DNAJB14: variants seen among roughly 807,000 people sequenced by gnomAD.
The protein encoded by DNAJB14 is dnaJ homolog subfamily B member 14.
Under a neutral mutation model 48.4 loss-of-function variants are expected in DNAJB14, and 22 were observed. That is an observed-to-expected ratio of 0.45 (90% CI 0.32 to 0.65). The LOEUF is 0.65. Among genes scored for constraint, DNAJB14 ranks in the 30% least tolerant of loss-of-function variants. The pLI is 0.03. For missense variants in DNAJB14, 319 were observed against 458.8 expected, an observed-to-expected ratio of 0.70 and a Z score of 2.78; for synonymous variants, 142 against 158.7, an observed-to-expected ratio of 0.89 and a Z score of 0.79.
At position 99,901,559 on chromosome 4, in the gene DNAJB14, G is replaced by A. The variant is rs150387444; in HGVS notation, c.1016-407C>T. 5.3e-5 allele frequency among the ~76,000 whole-genome samples: 8 copies of A among 151,920 alleles called. No homozygotes were observed. The East Asian group carries it at 1.4e-3, about 26-fold the overall frequency. ...GATTTCAGATTATCCCAAGACTTAA[G>A]TATTTAATAAAAAATTTAAAATCTT... On this transcript the variant is annotated intron_variant, in intron 7 of 7. Coordinates refer to ENST00000442697, the MANE Select transcript of DNAJB14 (RefSeq NM_001031723.4).
chr4:99,918,701 C>G lies in DNAJB14; in HGVS notation c.451+4339G>C, dbSNP rs72915012. Among the ~76,000 whole-genome samples the G allele has an allele frequency of 5.9e-5, 9 of 152,244 alleles. No homozygotes were observed. In the South Asian group the frequency reaches 1.9e-3, roughly 32 times the overall value. ...TATGGGAACATCAGGCCTCCACTTA[C>G]GTCTCCCTGGCTAGGAGGAGAAGAG... On this transcript the variant is annotated intron_variant, in intron 3 of 7. Transcript: ENST00000442697.
intron 1 of DNAJB14, among the ~76,000 whole-genome samples, chr4:99,943,857 C>CA (rs902277217): frequency 1.7e-4 from 26 of 151,798 alleles, no homozygotes; most frequent in Middle Eastern, 6.8e-3. Flanking sequence ...AGCAAAAGCA[C>CA]AAAAAAACAA....
chr4:99,936,644 A>G (rs1161210621), intron 1 of DNAJB14, among the ~76,000 whole-genome samples: 1 of 152,234 alleles, frequency 6.6e-6, no homozygotes, highest in Admixed American at 6.5e-5. Flanking sequence ...AGGGCAGAGA[A>G]AGTAAAATGT....
At chr4:99,945,756 A>G (rs1727045069) in intron 1 of DNAJB14, among the ~76,000 whole-genome samples, 1 of 152,218 alleles carries the variant, frequency 6.6e-6, no homozygotes, top group South Asian at 2.1e-4. Flanking sequence ...ATCGAGTAGG[A>G]AAATAAATAA....
At chr4:99,910,213 A>C (rs757129338) in intron 3 of DNAJB14, 4 of 152,078 alleles carry the variant, frequency 2.6e-5, no homozygotes, top group Non-Finnish European at 5.9e-5. Context: ...TGAATGAAAA[A>C]TTAGGTGAAT....
chr4:99,912,636 C>A (rs926121742), intron 3 of DNAJB14, among the ~76,000 whole-genome samples: 2 of 152,134 alleles, frequency 1.3e-5, no homozygotes. Flanking sequence ...TGCGCCACCA[C>A]GCCTCGCTAA....
chr4:99,901,467 C>T (rs1367527953), intron 7 of DNAJB14, among the ~76,000 whole-genome samples: 2 of 152,088 alleles, frequency 1.3e-5, no homozygotes, highest in Non-Finnish European at 2.9e-5. Flanking sequence ...ATCTTGGACT[C>T]TTTTCCTAAA....
At chr4:99,903,130 A>G (rs1725350599) in intron 7 of DNAJB14, among the ~76,000 whole-genome samples, 1 of 152,120 alleles carries the variant, frequency 6.6e-6, no homozygotes, top group African/African-American at 2.4e-5. Context: ...CAAAAACAAG[A>G]ACCACAACAC....
rs145388595 is a variant in DNAJB14 at position 99,911,466 on chromosome 4, A to G, written c.452-2570T>C. Among the ~76,000 whole-genome samples the G allele has an allele frequency of 1.1e-3, 173 of 152,250 alleles. 1 individual carries two copies. Among genetic ancestry groups the G allele is most frequent in the African/African-American group, 4.1e-3 (171 of 41,558 alleles). Reference sequence around the variant, plus strand: ...GCACAGATTTTTGAGAAACTGCCCAACTGTTGTACAGAACAGCTGTGTCAT... The same window carrying G: ...GCACAGATTTTTGAGAAACTGCCCAGCTGTTGTACAGAACAGCTGTGTCAT... On this transcript the variant is annotated intron_variant, in intron 3 of 7. Transcript: ENST00000442697.
intron 1 of DNAJB14, among the ~76,000 whole-genome samples, chr4:99,935,256 G>A (rs1428997591): frequency 6.6e-6 from 1 of 152,120 alleles, no homozygotes; most frequent in Non-Finnish European, 1.5e-5. Context: ...TTATAAAGGA[G>A]AGGAAATTAG....
At chr4:99,908,645 A>C (rs1725549493) in intron 4 of DNAJB14, 66 bp downstream of exon 4, 3 of 1,192,304 alleles carry the variant, frequency 2.5e-6, no homozygotes, top group Non-Finnish European at 3.4e-6. Context: ...ATCTCTAAAT[A>C]ACGTTAACTG....
Position 99,934,789 on chromosome 4 carries a change from C to CAAAAAAAAAAAAAAAA in DNAJB14, c.134-4184_134-4169dup, listed in dbSNP as rs1167945149. 1.2e-3 allele frequency among the ~76,000 whole-genome samples: 8 copies of CAAAAAAAAAAAAAAAA among 6,778 alleles called. 2 individuals carry two copies. Among genetic ancestry groups the CAAAAAAAAAAAAAAAA allele is most frequent in the Admixed American group, 9.0e-3 (3 of 334 alleles). The allele number at this position is 6,778 out of a possible 152,430, so 4.4% of individuals were successfully genotyped here. A position where few individuals can be genotyped will look rare whatever the true frequency, so the allele number is the denominator to read the frequency against. ...CCTGGGTGACAGAGCAAGACTGTCT[C>CAAAAAAAAAAAAAAAA]AAAAAAAAAAAAAAAAAAAAAAAAA... On this transcript the variant is annotated intron_variant, in intron 1 of 7. Coordinates refer to ENST00000442697, the MANE Select transcript of DNAJB14 (RefSeq NM_001031723.4).
chr4:99,922,611 A>C (rs1726100750), intron 3 of DNAJB14: 1 of 152,380 alleles, frequency 6.6e-6, no homozygotes, highest in African/African-American at 2.4e-5. Flanking sequence ...GGCAAAGTTT[A>C]ATAGAAATAA....
chr4:99,927,242 T>C (rs1223410804), intron 2 of DNAJB14: 3 of 152,206 alleles, frequency 2.0e-5, no homozygotes, highest in African/African-American at 7.2e-5. Flanking sequence ...TTCTCTTATG[T>C]GCATGGAAGC....
intron 6 of DNAJB14, among the ~76,000 whole-genome samples, chr4:99,905,101 T>A (rs1725418748): frequency 6.6e-6 from 1 of 152,076 alleles, no homozygotes. Flanking sequence ...GTTGTCTAGA[T>A]TGCATGCTGT....
intron 1 of DNAJB14, among the ~76,000 whole-genome samples, chr4:99,934,853 G>T (rs1726614641): frequency 7.7e-6 from 1 of 129,476 alleles, no homozygotes; most frequent in South Asian, 2.5e-4. Flanking sequence ...AAACTTATGT[G>T]ATAAAACTCA....
At position 99,900,973 on chromosome 4, in the gene DNAJB14, C is replaced by T; in HGVS notation, c.*55G>A. On this transcript the variant is annotated 3_prime_UTR_variant, in exon 8 of 8. Transcript: ENST00000442697. ...CTTCATCCCTCATGATGAAACCAAA[C>T]TTACTTACAGAAAAAATAAAGAGTA... The T allele has an allele frequency of 6.4e-7, 1 of 1,552,894 alleles. No homozygotes were observed. The highest frequency in any genetic ancestry group is 8.7e-7 in the Non-Finnish European group (1 of 1,153,090).
At position 99,930,502 on chromosome 4, in the gene DNAJB14, T is replaced by C; in HGVS notation, c.253A>G (p.Ser85Gly). Residue 85 changes from serine to glycine, a missense_variant, in exon 2 of 8, where the codon AGT becomes GGT. Ser to Gly is a moderately conservative substitution (Grantham distance 56). Coordinates refer to ENST00000442697, the MANE Select transcript of DNAJB14 (RefSeq NM_001031723.4). ...GTATAGCCTTTTCCACCTTCACCAC[T>C]ACCAGATGTGCTGTCCTTTGTGCAA... ...PNCTKDSTSG[S>G]GEGGKGYTKD... 6.2e-7 allele frequency: 1 copy of C among 1,611,666 alleles called. No individual in the cohort carries two copies. Among genetic ancestry groups the C allele is most frequent in the Non-Finnish European group, 8.5e-7 (1 of 1,178,692 alleles).
chr4:99,901,253 A>C (rs914009536), intron 7 of DNAJB14, 101 bp from the exon 8 acceptor site: 1 of 1,054,896 alleles, frequency 9.5e-7, no homozygotes. Flanking sequence ...ATATATTTTG[A>C]TTAACTGACT....
Sources: allele counts gnomAD v4.1 joint callset (sites outside exome capture counted in the v4.1 genomes callset), GRCh38; gene constraint gnomAD v4.1.1; transcripts MANE v1.5; gene names NCBI Gene and HGNC (gene_info 2026-07-23, HGNC 2026-07-21).